Variants in DPYD observed in about 807,000 individuals in gnomAD.
DPYD encodes the protein dihydropyrimidine dehydrogenase, also known as dihydropyrimidine dehydrogenase [NADP(+)].
Under a neutral mutation model 116.2 loss-of-function variants are expected in DPYD, and 109 were observed. That is an observed-to-expected ratio of 0.94 (90% CI 0.80 to 1.10). The LOEUF (loss-of-function observed/expected upper bound fraction) is 1.10. DPYD is among the 50% of genes least tolerant of loss of function. The pLI is 0.00. For missense variants in DPYD, 1,302 were observed against 1,254.5 expected (o/e 1.04, Z -0.57); for synonymous variants, 440 against 432.0 (o/e 1.02, Z -0.23).
In DPYD at chr1:97,329,442, G is replaced by C. The variant is rs146548764; in HGVS notation, c.2059-23145C>G. 4.3e-3 allele frequency among the ~76,000 whole-genome samples: 658 copies of C among 152,052 alleles called. 11 individuals carry two copies. The highest frequency in any genetic ancestry group is 0.015 in the African/African-American group (631 of 41,490). On this transcript the variant is annotated intron_variant, in intron 16 of 22. Transcript: ENST00000370192. ...ATGAGCACTCTGTGGCTACTAATGG[G>C]TAAGGGTAAGAAATAATTTTGAGGC... is the stretch of plus-strand genomic sequence containing the variant.
intron 1 of DPYD, among the ~76,000 whole-genome samples, chr1:97,892,848 G>C (rs960370260): frequency 3.3e-5 from 5 of 151,836 alleles, no homozygotes; most frequent in Admixed American, 3.3e-4. Context: ...CTTTCATTTT[G>C]TTAAGTATTC....
intron 14 of DPYD, among the ~76,000 whole-genome samples, chr1:97,415,294 T>C (rs943235940): frequency 6.6e-6 from 1 of 152,170 alleles, no homozygotes; most frequent in East Asian, 1.9e-4. Flanking sequence ...AGGATCTTTT[T>C]CACAATCTCC....
chr1:97,496,820 T>C (rs182963656), intron 13 of DPYD, among the ~76,000 whole-genome samples: 38 of 152,024 alleles, frequency 2.5e-4, no homozygotes, highest in African/African-American at 8.4e-4. Context: ...TTTTAGGTTC[T>C]CTGAGAACCA....
chr1:97,083,725 T>C (rs1649318886), intron 21 of DPYD, among the ~76,000 whole-genome samples: 1 of 152,148 alleles, frequency 6.6e-6, no homozygotes, highest in Non-Finnish European at 1.5e-5. Flanking sequence ...TCATTAGAGA[T>C]TGGTACTTCA....
chr1:97,520,076 T>C (rs1026292195), intron 12 of DPYD, among the ~76,000 whole-genome samples: 1 of 152,216 alleles, frequency 6.6e-6, no homozygotes, highest in Non-Finnish European at 1.5e-5. Flanking sequence ...GTCTGATTTT[T>C]TTATAACATA....
intron 16 of DPYD, among the ~76,000 whole-genome samples, chr1:97,315,287 T>C (rs1667756091): frequency 6.6e-6 from 1 of 151,836 alleles, no homozygotes; most frequent in African/African-American, 2.4e-5. Context: ...GGGGTCATGC[T>C]CCTTTCAGGG....
chr1:97,338,194 A>C (rs200455832), intron 16 of DPYD, among the ~76,000 whole-genome samples: 1 of 152,208 alleles, frequency 6.6e-6, no homozygotes, highest in East Asian at 1.9e-4. Flanking sequence ...CATTAGAGAT[A>C]ATCTAAGCAA....
intron 8 of DPYD, among the ~76,000 whole-genome samples, chr1:97,600,773 G>A (rs894965244): frequency 3.9e-5 from 6 of 151,996 alleles, no homozygotes; most frequent in Admixed American, 6.6e-5. Context: ...GAAATGATAC[G>A]TTTGAGTACA....
At chr1:97,304,499 C>T (rs1667045874) in intron 18 of DPYD, among the ~76,000 whole-genome samples, 1 of 151,944 alleles carries the variant, frequency 6.6e-6, no homozygotes, top group African/African-American at 2.4e-5. Context: ...TCTGTCCAGC[C>T]TCTTCCAAAA....
rs2102182350 is a variant in DPYD at position 97,573,778 on chromosome 1, C to T, written c.1321G>A (p.Val441Ile). Reference sequence around the variant, plus strand: ...ACTGTACCTTTAGGATCACTCAGAACTGAACCAAAGGCACTGATGACCACA... The same window carrying T: ...ACTGTACCTTTAGGATCACTCAGAATTGAACCAAAGGCACTGATGACCACA... ...ADVVISAFGS[V>I]LSDPKVKEAL... The change falls in exon 11 of 23, where the codon GTT becomes ATT. Residue 441 changes from valine to isoleucine, a missense_variant. Coordinates refer to ENST00000370192, the MANE Select transcript of DPYD (RefSeq NM_000110.4). 6.2e-7 allele frequency: 1 copy of T among 1,613,584 alleles called. No individual in the cohort carries two copies. Among genetic ancestry groups the T allele is most frequent in the African/African-American group, 1.3e-5 (1 of 75,020 alleles).
rs143388723 is a variant in DPYD, at chr1:97,801,873, T to A, written c.233+26241A>T. ...TTTCTGTAGTTCTTGTCTCAATTGT[T>A]TAATTTAAAATGTGATAAAGATTAT... On this transcript the variant is annotated intron_variant, in intron 3 of 22. Coordinates refer to ENST00000370192, the MANE Select transcript of DPYD (RefSeq NM_000110.4). Among the ~76,000 whole-genome samples, 10 of 152,062 alleles carry A rather than the reference T, an allele frequency of 6.6e-5. No individual in the cohort carries two copies. The East Asian group carries it at 1.7e-3, about 26-fold the overall frequency.
intron 13 of DPYD, among the ~76,000 whole-genome samples, chr1:97,454,197 C>T (rs1328068115): frequency 6.6e-6 from 1 of 151,890 alleles, no homozygotes; most frequent in Non-Finnish European, 1.5e-5. Flanking sequence ...TTGCCAAAAA[C>T]ATTCTCCACT....
At chr1:97,429,433 A>G (rs1283580318) in intron 14 of DPYD, among the ~76,000 whole-genome samples, 1 of 152,094 alleles carries the variant, frequency 6.6e-6, no homozygotes, top group Non-Finnish European at 1.5e-5. Context: ...ATAAACAGAA[A>G]GAAGTATCTT....
At chr1:97,610,415 A>C (rs1317609464) in intron 8 of DPYD, among the ~76,000 whole-genome samples, 1 of 152,050 alleles carries the variant, frequency 6.6e-6, no homozygotes, top group Admixed American at 6.6e-5. Flanking sequence ...AGAATAAAAG[A>C]GTGCAGACTC....
At chr1:97,150,705 G>C (rs1385507729) in intron 20 of DPYD, among the ~76,000 whole-genome samples, 1 of 152,202 alleles carries the variant, frequency 6.6e-6, no homozygotes, top group Non-Finnish European at 1.5e-5. Flanking sequence ...TGGATGGAGT[G>C]AGACATGCTT....
chr1:97,292,263 C>T (rs1666240161), intron 18 of DPYD, among the ~76,000 whole-genome samples: 1 of 152,036 alleles, frequency 6.6e-6, no homozygotes. Context: ...AAAGGCATAC[C>T]CGAGACTGGG....
chr1:97,397,069 T>C (rs1270506406), intron 14 of DPYD, among the ~76,000 whole-genome samples: 3 of 152,050 alleles, frequency 2.0e-5, no homozygotes, highest in African/African-American at 7.2e-5. Flanking sequence ...TGGTGCAGGA[T>C]TGCCTAGCAC....
intron 2 of DPYD, among the ~76,000 whole-genome samples, chr1:97,876,615 T>C (rs999016105): frequency 6.6e-6 from 1 of 151,990 alleles, no homozygotes; most frequent in Non-Finnish European, 1.5e-5. Flanking sequence ...TAAATTCAAA[T>C]TCAAAATCAG....
intron 20 of DPYD, among the ~76,000 whole-genome samples, chr1:97,128,375 C>T (rs1012521746): frequency 6.6e-6 from 1 of 152,064 alleles, no homozygotes; most frequent in African/African-American, 2.4e-5. Context: ...TGTCTTTGAA[C>T]TAAACAAGAG....
Sources: allele counts gnomAD v4.1 joint callset (sites outside exome capture counted in the v4.1 genomes callset), GRCh38; gene constraint gnomAD v4.1.1; transcripts MANE v1.5; gene names NCBI Gene and HGNC (gene_info 2026-07-23, HGNC 2026-07-21).